ZNF679: variants seen among roughly 807,000 people sequenced by gnomAD.
ZNF679 encodes hypothetical protein MGC42415.
A neutral mutation model predicts 13.4 loss-of-function variants in ZNF679; 10 were observed. The ratio of observed to expected loss-of-function variants is 0.75; its 90% CI spans 0.46 to 1.27. The LOEUF is 1.27. Ranked by LOEUF, ZNF679 falls within the 50% of genes most tolerant of loss-of-function variation. ZNF679 has a pLI of 0.00. For missense variants in ZNF679, 525 were observed against 477.8 expected (o/e 1.10, Z -0.92); for synonymous variants, 179 against 162.5 (o/e 1.10, Z -0.77).
intron 1 of ZNF679, among the ~76,000 whole-genome samples, chr7:64,244,786 C>T (rs1383865286): frequency 6.6e-6 from 1 of 152,202 alleles, no homozygotes; most frequent in Non-Finnish European, 1.5e-5. Flanking sequence ...TGAGCAGTCT[C>T]CATTGGGGTC....
chr7:64,266,719 C>T lies in ZNF679; in HGVS notation c.1086C>T (p.Ala362=), dbSNP rs1313912606. ...GTAAAGAATGTGGGAAAGCCTTTGC[C>T]TTCTCCTCAACTCTTAATACTCATA... ...YKCKECGKAF[A]FSSTLNTHKR... The change falls in exon 5 of 5, where the codon GCC becomes GCT. Residue 362 remains alanine (A), a synonymous_variant. Coordinates refer to ENST00000421025, the MANE Select transcript of ZNF679 (RefSeq NM_153363.3). The T allele has an allele frequency of 2.5e-6, 4 of 1,612,262 alleles. No homozygotes were observed. Among genetic ancestry groups the T allele is most frequent in the Non-Finnish European group, 2.5e-6 (3 of 1,179,206 alleles).
chr7:64,244,804 A>C (rs573781369), intron 1 of ZNF679, among the ~76,000 whole-genome samples: 1 of 152,316 alleles, frequency 6.6e-6, no homozygotes, highest in Admixed American at 6.5e-5. Flanking sequence ...GTCTCCCAGA[A>C]GAAGCCTCCA....
Position 64,260,247 on chromosome 7 carries a change from C to G in ZNF679, c.66C>G (p.Val22=), listed in dbSNP as rs1486095755. Residue 22 remains valine, a synonymous_variant, in exon 3 of 5, where the codon GTC becomes GTG. Transcript: ENST00000421025. The stretch of plus-strand genomic sequence containing the variant: ...GACTGTTGACATTCAGAGATGTAGT[C>G]ATAGAATTCTCTCTGGAGGAGTGGC... The part of the protein sequence containing the change: ...EMGLLTFRDV[V]IEFSLEEWQC... 2.5e-6 allele frequency: 4 copies of G among 1,609,434 alleles called. No homozygotes were observed. The African/African-American group carries it at 5.4e-5, about 22-fold the overall frequency.
rs1788138049 is a variant in ZNF679 at position 64,265,951 on chromosome 7, A to G, written c.318A>G (p.Ser106=). ...CGCCAGAGCTAGGCATAAAAGATTC[A>G]CTCCAAAAAGTAATACCAAGAAGAT... The part of the protein sequence containing the change: ...DLPPELGIKD[S]LQKVIPRRYG... The change falls in exon 5 of 5, where the codon TCA becomes TCG. Residue 106 remains serine (S), a synonymous_variant. Transcript: ENST00000421025. 3 of 1,613,736 alleles carry G rather than the reference A, an allele frequency of 1.9e-6. No homozygotes were observed. The highest frequency in any genetic ancestry group is 2.5e-6 in the Non-Finnish European group (3 of 1,179,886).
chr7:64,229,982 T>G (rs369334374), intron 1 of ZNF679, among the ~76,000 whole-genome samples: 4 of 152,288 alleles, frequency 2.6e-5, no homozygotes, highest in Middle Eastern at 3.4e-3. Context: ...ATCGCTTAAA[T>G]GTTGGGCCCA....
At position 64,265,937 on chromosome 7, in the gene ZNF679, G is replaced by T. The variant is rs759887891; in HGVS notation, c.304G>T (p.Gly102Cys). ...HFTQDLPPEL[G>C]IKDSLQKVIP... ...CACCCAAGACCTTCCGCCAGAGCTA[G>T]GCATAAAAGATTCACTCCAAAAAGT... is the stretch of plus-strand genomic sequence containing the variant. Residue 102 changes from glycine (G) to cysteine (C), a missense_variant, in exon 5 of 5, where the codon GGC becomes TGC. Physicochemically the swap from Gly to Cys is radical, Grantham distance 159. Transcript: ENST00000421025. 1.9e-6 allele frequency: 3 copies of T among 1,613,782 alleles called. No individual in the cohort carries two copies. Among genetic ancestry groups the T allele is most frequent in the Non-Finnish European group, 2.5e-6 (3 of 1,179,860 alleles).
intron 2 of ZNF679, among the ~76,000 whole-genome samples, chr7:64,249,893 G>C (rs1456699809): frequency 1.3e-5 from 2 of 152,102 alleles, no homozygotes; most frequent in African/African-American, 4.8e-5. Context: ...CCTTACTGGA[G>C]TGCAATGGCA....
chr7:64,249,001 G>C, intron 1 of ZNF679, 27 bp from the exon 2 acceptor site: 1 of 1,472,916 alleles, frequency 6.8e-7, no homozygotes, highest in Non-Finnish European at 9.3e-7. Context: ...GTAATTTTCC[G>C]GGTCCTTTGT....
chr7:64,260,065 TA>T (rs1788054629), intron 2 of ZNF679, among the ~76,000 whole-genome samples, 155 bp from the exon 3 acceptor site: 1 of 152,252 alleles, frequency 6.6e-6, no homozygotes. Flanking sequence ...ACTTCAGTGT[TA>T]AAAATTATCA....
At chr7:64,257,881 G>T (rs2115589709) in intron 2 of ZNF679, among the ~76,000 whole-genome samples, 1 of 152,282 alleles carries the variant, frequency 6.6e-6, no homozygotes, top group South Asian at 2.1e-4. Flanking sequence ...GGGACTTGTT[G>T]AAAAAGCCCA....
chr7:64,243,643 C>A (rs1192390674), intron 1 of ZNF679, among the ~76,000 whole-genome samples: 9 of 152,274 alleles, frequency 5.9e-5, no homozygotes, highest in Non-Finnish European at 8.8e-5. Flanking sequence ...GAAATATGTC[C>A]CAATACCCCA....
chr7:64,231,408 C>T (rs1787637402), intron 1 of ZNF679, among the ~76,000 whole-genome samples: 1 of 152,138 alleles, frequency 6.6e-6, no homozygotes, highest in Admixed American at 6.6e-5. Context: ...GATCTTGGCT[C>T]AGTGATATGA....
rs772664590 is a variant in ZNF679, at chr7:64,249,157, G to T, written c.39+1G>T. On this transcript the variant is annotated splice_donor_variant, in intron 2 of 4. Coordinates refer to ENST00000421025, the MANE Select transcript of ZNF679 (RefSeq NM_153363.3). LOFTEE classifies it high-confidence loss of function. ...GGGATCCCCTGGAAGCCGAGAAATG[G>T]TGAGTGCTGGGTCTGTCACCGTGAG... is the stretch of plus-strand genomic sequence containing the variant. 1.9e-6 allele frequency: 3 copies of T among 1,614,166 alleles called. No homozygotes were observed. Among genetic ancestry groups the T allele is most frequent in the Non-Finnish European group, 2.5e-6 (3 of 1,180,020 alleles).
intron 1 of ZNF679, among the ~76,000 whole-genome samples, chr7:64,233,689 C>T (rs1034748532): frequency 1.3e-5 from 2 of 152,008 alleles, no homozygotes; most frequent in Non-Finnish European, 2.9e-5. Flanking sequence ...ATAAGGAAAC[C>T]ACCTTCACCT....
At chr7:64,258,998 G>A (rs1457158829) in intron 2 of ZNF679, among the ~76,000 whole-genome samples, 20 of 152,070 alleles carry the variant, frequency 1.3e-4, no homozygotes, top group Non-Finnish European at 1.8e-4. Flanking sequence ...TGCAACCTCC[G>A]CCTTGTGGGT....
chr7:64,262,939 A>C (rs1483956863), intron 4 of ZNF679, among the ~76,000 whole-genome samples: 1 of 152,240 alleles, frequency 6.6e-6, no homozygotes, highest in Non-Finnish European at 1.5e-5. Flanking sequence ...CCCCTGAGCA[A>C]AAATATTAAA....
At chr7:64,231,930 G>A (rs545881852) in intron 1 of ZNF679, among the ~76,000 whole-genome samples, 1 of 152,322 alleles carries the variant, frequency 6.6e-6, no homozygotes, top group African/African-American at 2.4e-5. Flanking sequence ...GGAGGTATGG[G>A]AGTCAACGTC....
intron 1 of ZNF679, among the ~76,000 whole-genome samples, chr7:64,232,324 T>C (rs1458900068): frequency 6.6e-6 from 1 of 152,230 alleles, no homozygotes; most frequent in Non-Finnish European, 1.5e-5. Context: ...CCCAAGGTCT[T>C]TGTAAAATAT....
intron 1 of ZNF679, among the ~76,000 whole-genome samples, chr7:64,235,812 AAG>A (rs1391998411): frequency 1.4e-5 from 2 of 140,878 alleles, no homozygotes; most frequent in Admixed American, 1.4e-4. Flanking sequence ...GAAAGAAAGA[AAG>A]AGACAGAGAG....
Sources: gnomAD v4.1 joint callset for allele counts (sites outside exome capture counted in the v4.1 genomes callset) on GRCh38, gnomAD v4.1.1 for gene constraint, MANE v1.5 for transcripts, NCBI Gene and HGNC (gene_info 2026-07-23, HGNC 2026-07-21) for gene names.